Variants in FANK1 observed in about 807,000 individuals in gnomAD.
FANK1 encodes the protein fibronectin type 3 and ankyrin repeat domains protein 1.
In FANK1, 44 loss-of-function variants were observed where a neutral mutation model predicts 45.3. That is an observed-to-expected ratio of 0.97 (90% CI 0.76 to 1.25). The LOEUF is 1.25. Ranked by LOEUF, FANK1 falls within the 50% of genes most tolerant of loss-of-function variation. The pLI is 0.00. For missense variants in FANK1, 391 were observed against 424.4 expected (o/e 0.92, Z 0.69); for synonymous variants, 149 against 152.5 (o/e 0.98, Z 0.17).
At chr10:125,967,798 C>T (rs918472898) in intron 1 of FANK1, among the ~76,000 whole-genome samples, 3 of 152,154 alleles carry the variant, frequency 2.0e-5, no homozygotes, top group Non-Finnish European at 2.9e-5. Flanking sequence ...AAAATAAAAG[C>T]ACATACAATG....
At chr10:125,949,958 G>A (rs1411158279) in intron 1 of FANK1, among the ~76,000 whole-genome samples, 5 of 127,952 alleles carry the variant, frequency 3.9e-5, no homozygotes, top group African/African-American at 5.5e-5. Flanking sequence ...CAGAAATAAC[G>A]CCGCATATCT....
chr10:125,990,547 C>G (rs73370572), intron 3 of FANK1, among the ~76,000 whole-genome samples: 5 of 152,162 alleles, frequency 3.3e-5, no homozygotes, highest in South Asian at 2.1e-4. Flanking sequence ...AGAGTCCACC[C>G]GAACCTTCCA....
At chr10:126,001,416 G>C (rs1260669552) in intron 6 of FANK1, among the ~76,000 whole-genome samples, 2 of 152,194 alleles carry the variant, frequency 1.3e-5, no homozygotes, top group African/African-American at 4.8e-5. Flanking sequence ...CAGAACAAGA[G>C]AGAAAAGACG....
At chr10:125,905,865 T>A (rs1219169099) in intron 1 of FANK1, among the ~76,000 whole-genome samples, 17 of 152,290 alleles carry the variant, frequency 1.1e-4, no homozygotes, top group Non-Finnish European at 2.1e-4. Context: ...CAAGGCTGTT[T>A]ACTGAAACAA....
rs1311898093 is a variant in FANK1 at position 126,009,202 on chromosome 10, TTTG to T, written c.928-14_928-12del. On this transcript the variant is annotated splice_polypyrimidine_tract_variant and intron_variant, in intron 9 of 10. Coordinates refer to ENST00000368693, the MANE Select transcript of FANK1 (RefSeq NM_145235.5). ...AAAACATTTATAAGCATGTAAAATT[TTTG>T]TTGTTTCCTGTTTCAGTTCGGCAAA... is the stretch of plus-strand genomic sequence containing the variant. 3.1e-6 allele frequency: 5 copies of T among 1,614,160 alleles called. No individual in the cohort carries two copies. The highest frequency in any genetic ancestry group is 3.4e-6 in the Non-Finnish European group (4 of 1,180,022).
intron 1 of FANK1, among the ~76,000 whole-genome samples, chr10:125,961,762 A>G (rs568378203): frequency 1.3e-5 from 2 of 152,304 alleles, no homozygotes; most frequent in African/African-American, 4.8e-5. Flanking sequence ...CCTAGGCAAC[A>G]TAATGAGACC....
At chr10:125,949,575 T>G (rs1176253438) in intron 1 of FANK1, among the ~76,000 whole-genome samples, 1 of 149,312 alleles carries the variant, frequency 6.7e-6, no homozygotes, top group East Asian at 2.0e-4. Flanking sequence ...AAGGACCTCT[T>G]CAAGGAGAAC....
intron 1 of FANK1, among the ~76,000 whole-genome samples, chr10:125,907,175 T>A (rs1261312939): frequency 6.6e-6 from 1 of 152,246 alleles, no homozygotes; most frequent in Non-Finnish European, 1.5e-5. Context: ...CCTTTTAATC[T>A]AAATTGTCTT....
intron 1 of FANK1, among the ~76,000 whole-genome samples, chr10:125,958,584 A>G (rs931802537): frequency 6.6e-6 from 1 of 152,170 alleles, no homozygotes; most frequent in Non-Finnish European, 1.5e-5. Context: ...CATAGCGGCT[A>G]TACTACTTTA....
At chr10:125,940,916 C>T (rs1305552104) in intron 1 of FANK1, among the ~76,000 whole-genome samples, 1 of 152,218 alleles carries the variant, frequency 6.6e-6, no homozygotes, top group Non-Finnish European at 1.5e-5. Flanking sequence ...CTTGATTCCA[C>T]ACAACACATG....
At chr10:125,904,568 G>A (rs1041322830) in intron 1 of FANK1, among the ~76,000 whole-genome samples, 18 of 151,746 alleles carry the variant, frequency 1.2e-4, no homozygotes, top group Non-Finnish European at 2.4e-4. Flanking sequence ...ACAGGCTGCA[G>A]AAACTTTTAA....
At chr10:125,997,365 G>C in intron 5 of FANK1, 55 bp from the exon 6 acceptor site, 1 of 1,450,274 alleles carries the variant, frequency 6.9e-7, no homozygotes, top group Non-Finnish European at 9.6e-7. Context: ...GACTATTGTG[G>C]GTTCTGAGTG....
intron 5 of FANK1, 38 bp downstream of exon 5, chr10:125,996,662 T>G: frequency 6.3e-7 from 1 of 1,591,450 alleles, no homozygotes; most frequent in Non-Finnish European, 8.6e-7. Flanking sequence ...TCTTGGGGAT[T>G]TAACTTTTTA....
chr10:125,968,116 T>G (rs1950288366), intron 1 of FANK1, among the ~76,000 whole-genome samples: 1 of 152,080 alleles, frequency 6.6e-6, no homozygotes, highest in Non-Finnish European at 1.5e-5. Flanking sequence ...GGTCTTGCTC[T>G]TTCGCTCAGG....
rs536182260 is a variant in FANK1 at position 126,006,329 on chromosome 10, T to C, written c.705+1280T>C. On this transcript the variant is annotated intron_variant, in intron 7 of 10. Transcript: ENST00000368693. ...GAGAATTAAGAAAAGTGCCCCCTTA[T>C]AGGAAAAATCTCAGTCATTAAAAAT... is the stretch of plus-strand genomic sequence containing the variant. Among the ~76,000 whole-genome samples the C allele has an allele frequency of 4.6e-5, 7 of 152,336 alleles. No homozygotes were observed. The East Asian group carries it at 9.6e-4, about 21-fold the overall frequency.
At chr10:125,984,378 A>G (rs572715867) in intron 2 of FANK1, among the ~76,000 whole-genome samples, 1 of 152,314 alleles carries the variant, frequency 6.6e-6, no homozygotes, top group East Asian at 1.9e-4. Context: ...CAAGACATGC[A>G]GCCATGTCCG....
intron 1 of FANK1, among the ~76,000 whole-genome samples, chr10:125,953,484 G>A (rs1949383522): frequency 6.6e-6 from 1 of 152,128 alleles, no homozygotes; most frequent in Non-Finnish European, 1.5e-5. Flanking sequence ...CTGTTTTTAT[G>A]TCTTAGGCAC....
chr10:125,977,652 A>G (rs1001402198), intron 1 of FANK1, among the ~76,000 whole-genome samples: 3 of 152,014 alleles, frequency 2.0e-5, no homozygotes, highest in Non-Finnish European at 2.9e-5. Context: ...GCCGGGGGTT[A>G]TTTGCTTGCT....
At chr10:125,984,672 G>C (rs4073646) in intron 2 of FANK1, among the ~76,000 whole-genome samples, 3,025 of 152,304 alleles carry the variant, frequency 0.02, 87 homozygotes, top group African/African-American at 0.065. Flanking sequence ...TGGAATTCTG[G>C]GGGAGGGAGT....
Sources: gnomAD v4.1 joint callset for allele counts (sites outside exome capture counted in the v4.1 genomes callset) on GRCh38, gnomAD v4.1.1 for gene constraint, MANE v1.5 for transcripts, NCBI Gene and HGNC (gene_info 2026-07-23, HGNC 2026-07-21) for gene names.